The following CADM2 variants were observed in gnomAD, a reference collection of about 807,000 sequenced individuals.
CADM2 encodes the protein cell adhesion molecule 2.
CADM2 carries 12 observed loss-of-function variants against 49.8 expected under a neutral mutation model. The ratio of observed to expected loss-of-function variants is 0.24; its 90% CI spans 0.15 to 0.39. The LOEUF (loss-of-function observed/expected upper bound fraction) is 0.39. Among genes scored for constraint, CADM2 ranks in the 10% least tolerant of loss-of-function variants. The pLI is 1.00. For missense variants in CADM2, 378 were observed against 492.3 expected, an observed-to-expected ratio of 0.77 and a Z score of 2.20; for synonymous variants, 214 against 175.4, an observed-to-expected ratio of 1.22 and a Z score of -1.74.
chr3:85,447,305 C>T (rs572779582), intron 1 of CADM2, among the ~76,000 whole-genome samples: 7 of 151,918 alleles, frequency 4.6e-5, no homozygotes, highest in African/African-American at 1.4e-4. Context: ...CAGTTCTTGT[C>T]ATTTACATTT....
At chr3:85,969,268 T>G (rs1725822871) in intron 8 of CADM2, among the ~76,000 whole-genome samples, 1 of 151,648 alleles carries the variant, frequency 6.6e-6, no homozygotes, top group Admixed American at 6.6e-5. Context: ...ATTTTATGGC[T>G]GCTGCCTACA....
intron 2 of CADM2, among the ~76,000 whole-genome samples, chr3:85,759,367 A>G (rs1361634584): frequency 6.6e-6 from 1 of 152,128 alleles, no homozygotes; most frequent in Non-Finnish European, 1.5e-5. Flanking sequence ...AATATGGTCT[A>G]CTATATAAGC....
chr3:85,609,625 G>T (rs1191849788), intron 1 of CADM2, among the ~76,000 whole-genome samples: 1 of 151,990 alleles, frequency 6.6e-6, no homozygotes, highest in East Asian at 1.9e-4. Context: ...TAGCACAAAT[G>T]GTTCAATTGC....
rs71104999 is a variant in CADM2 at position 84,982,702 on chromosome 3, CATATAT to C, written c.61+23062_61+23067del. Reference sequence around the variant, plus strand: ...GACATATAGATTGAAAACTATAAAGCATATATATATATATATATATATATATATATA... The same window carrying C: ...GACATATAGATTGAAAACTATAAAGCATATATATATATATATATATATATA... On this transcript the variant is annotated intron_variant, in intron 1 of 9. Transcript: ENST00000383699. Among the ~76,000 whole-genome samples the C allele has an allele frequency of 2.1e-3, 159 of 76,316 alleles. 2 individuals carry two copies. The highest frequency in any genetic ancestry group is 0.011 in the Middle Eastern group (1 of 90). The allele number at this position is 76,316 out of a possible 152,430, so 50.1% of individuals were successfully genotyped here.
At chr3:85,179,539 T>C (rs1194420971) in intron 1 of CADM2, among the ~76,000 whole-genome samples, 1 of 152,050 alleles carries the variant, frequency 6.6e-6, no homozygotes, top group Non-Finnish European at 1.5e-5. Context: ...AAATTACAAT[T>C]TTCTACATTA....
At chr3:85,611,426 G>T (rs1464938586) in intron 1 of CADM2, among the ~76,000 whole-genome samples, 1 of 151,736 alleles carries the variant, frequency 6.6e-6, no homozygotes, top group Non-Finnish European at 1.5e-5. Flanking sequence ...TCTTGGGTTA[G>T]TTGAGCACCT....
chr3:85,204,266 C>T (rs893220201), intron 1 of CADM2, among the ~76,000 whole-genome samples: 1 of 151,810 alleles, frequency 6.6e-6, no homozygotes, highest in South Asian at 2.1e-4. Flanking sequence ...TTTTTAGTAA[C>T]CTATTTTGAT....
At chr3:85,729,062 C>G (rs2067826926) in intron 2 of CADM2, among the ~76,000 whole-genome samples, 2 of 152,146 alleles carry the variant, frequency 1.3e-5, no homozygotes, top group Non-Finnish European at 2.9e-5. Context: ...CTGAAGATCA[C>G]TAATTATTCT....
chr3:85,999,659 A>G (rs944931937), intron 8 of CADM2, among the ~76,000 whole-genome samples: 3 of 149,186 alleles, frequency 2.0e-5, no homozygotes, highest in African/African-American at 7.7e-5. Flanking sequence ...GGAAAGAAAA[A>G]AGAAAGAAAG....
At chr3:85,350,070 CAG>C (rs1458382463) in intron 1 of CADM2, among the ~76,000 whole-genome samples, 1 of 152,122 alleles carries the variant, frequency 6.6e-6, no homozygotes, top group African/African-American at 2.4e-5. Flanking sequence ...CTTATGAAGA[CAG>C]AGGAATATTA....
intron 1 of CADM2, among the ~76,000 whole-genome samples, chr3:84,980,601 T>C (rs552972312): frequency 6.6e-6 from 1 of 152,264 alleles, no homozygotes; most frequent in South Asian, 2.1e-4. Flanking sequence ...TTATCTGCAA[T>C]TGGAGGAATG....
chr3:85,484,118 C>T (rs1483928488), intron 1 of CADM2, among the ~76,000 whole-genome samples: 1 of 151,720 alleles, frequency 6.6e-6, no homozygotes, highest in Non-Finnish European at 1.5e-5. Context: ...ATAGCTTTTC[C>T]CTTTGGACTT....
At chr3:85,949,203 T>C (rs745690969) in intron 7 of CADM2, among the ~76,000 whole-genome samples, 3 of 151,142 alleles carry the variant, frequency 2.0e-5, no homozygotes, top group Admixed American at 1.3e-4. Context: ...ATGACTTTTT[T>C]TTAAAAAGAA....
chr3:85,163,535 C>T (rs1050055509), intron 1 of CADM2, among the ~76,000 whole-genome samples: 27 of 151,942 alleles, frequency 1.8e-4, no homozygotes, highest in African/African-American at 5.6e-4. Flanking sequence ...AAAACAAAAT[C>T]GACCCTCAGG....
intron 1 of CADM2, among the ~76,000 whole-genome samples, chr3:85,550,809 T>C (rs2061783689): frequency 6.6e-6 from 1 of 152,066 alleles, no homozygotes; most frequent in South Asian, 2.1e-4. Context: ...AACTAGGCTC[T>C]CCTTTGCACT....
intron 1 of CADM2, among the ~76,000 whole-genome samples, chr3:85,421,451 G>T (rs948937768): frequency 6.6e-6 from 1 of 152,136 alleles, no homozygotes; most frequent in Admixed American, 6.6e-5. Context: ...TCATGCAGAA[G>T]AATCAGTTTT....
intron 1 of CADM2, among the ~76,000 whole-genome samples, chr3:85,211,786 T>C (rs931653413): frequency 6.6e-6 from 1 of 152,184 alleles, no homozygotes; most frequent in Non-Finnish European, 1.5e-5. Flanking sequence ...AAATATCTGT[T>C]AGGTCTATAT....
chr3:85,412,584 G>A (rs1283770845), intron 1 of CADM2, among the ~76,000 whole-genome samples: 1 of 150,772 alleles, frequency 6.6e-6, no homozygotes, highest in African/African-American at 2.4e-5. Context: ...TAATAGAAAA[G>A]TCATGGTTAC....
chr3:85,044,756 A>T (rs182104061), intron 1 of CADM2, among the ~76,000 whole-genome samples: 1 of 151,824 alleles, frequency 6.6e-6, no homozygotes, highest in Admixed American at 6.6e-5. Flanking sequence ...TATCCCATTT[A>T]TAAAAAAGTT....
Sources: gnomAD v4.1 joint callset for allele counts (sites outside exome capture counted in the v4.1 genomes callset) on GRCh38, gnomAD v4.1.1 for gene constraint, MANE v1.5 for transcripts, NCBI Gene and HGNC (gene_info 2026-07-23, HGNC 2026-07-21) for gene names.